MALRD1: variants seen among roughly 807,000 people sequenced by gnomAD.
MALRD1 encodes MAM and LDL receptor class A domain containing 1, also known as MAM and LDL-receptor class A domain-containing protein 1.
Under a neutral mutation model 242.1 loss-of-function variants are expected in MALRD1, and 247 were observed. The observed-to-expected ratio is 1.02, with a 90% CI of 0.92 to 1.13. The LOEUF is 1.13. Ranked by LOEUF, MALRD1 falls within the 50% of genes most tolerant of loss-of-function variation. MALRD1 has a pLI of 0.00. For missense variants in MALRD1, 2,989 were observed against 2,533.1 expected (o/e 1.18, Z -3.86); for synonymous variants, 995 against 866.6 (o/e 1.15, Z -2.60).
At chr10:19,344,176 A>G (rs1844004017) in intron 24 of MALRD1, among the ~76,000 whole-genome samples, 1 of 152,096 alleles carries the variant, frequency 6.6e-6, no homozygotes, top group Non-Finnish European at 1.5e-5. Flanking sequence ...AGTTCAATGT[A>G]TTGATCTTTC....
At chr10:19,485,186 TGA>T in intron 29 of MALRD1, among the ~76,000 whole-genome samples, 1 of 152,210 alleles carries the variant, frequency 6.6e-6, no homozygotes, top group South Asian at 2.1e-4. Flanking sequence ...AGAGGGAGGC[TGA>T]GAGAGTAGTT....
At chr10:19,530,418 A>ATTTAT (rs1200557957) in intron 31 of MALRD1, among the ~76,000 whole-genome samples, 53,194 of 82,588 alleles carry the variant, frequency 0.64, 20,825 homozygotes, top group Non-Finnish European at 0.74. Context: ...TTTATATAAT[A>ATTTAT]ATAAATATAT....
chr10:19,072,671 T>C (rs58784447), intron 2 of MALRD1, among the ~76,000 whole-genome samples: 12,978 of 152,178 alleles, frequency 0.085, 899 homozygotes, highest in East Asian at 0.28. Context: ...ATCTTAATTT[T>C]AGTGCCCAGT....
At chr10:19,538,903 A>C (rs1203548212) in intron 32 of MALRD1, among the ~76,000 whole-genome samples, 2 of 152,176 alleles carry the variant, frequency 1.3e-5, no homozygotes, top group Admixed American at 1.3e-4. Context: ...ATGGTGTTGA[A>C]ATGGTCTCTA....
chr10:19,223,118 T>C (rs1345970429), intron 18 of MALRD1, among the ~76,000 whole-genome samples: 1 of 152,186 alleles, frequency 6.6e-6, no homozygotes, highest in Non-Finnish European at 1.5e-5. Flanking sequence ...TTGACAATTT[T>C]AGTTCATATA....
At chr10:19,491,463 A>G in intron 29 of MALRD1, 54 bp from the exon 30 acceptor site, 1 of 1,529,012 alleles carries the variant, frequency 6.5e-7, no homozygotes. Context: ...GGAATCTTCA[A>G]GTCTAATGAA....
intron 31 of MALRD1, among the ~76,000 whole-genome samples, chr10:19,503,379 T>C (rs753554279): frequency 3.9e-5 from 6 of 152,224 alleles, no homozygotes; most frequent in East Asian, 1.9e-4. Context: ...TTTGCACTTA[T>C]TGTTATCAAG....
intron 36 of MALRD1, among the ~76,000 whole-genome samples, chr10:19,638,881 T>A (rs1840264982): frequency 1.3e-5 from 2 of 152,124 alleles, no homozygotes; most frequent in African/African-American, 4.8e-5. Flanking sequence ...TGGGTGACCA[T>A]CGTAATAGGA....
intron 32 of MALRD1, among the ~76,000 whole-genome samples, chr10:19,538,689 A>G (rs1452437786): frequency 1.3e-5 from 2 of 152,170 alleles, no homozygotes; most frequent in Non-Finnish European, 2.9e-5. Flanking sequence ...AACATATTTT[A>G]TTACTCCAAA....
intron 14 of MALRD1, among the ~76,000 whole-genome samples, chr10:19,187,382 G>A (rs1057101090): frequency 2.0e-5 from 3 of 152,106 alleles, no homozygotes; most frequent in African/African-American, 7.2e-5. Flanking sequence ...GTACATCTCA[G>A]TTACAAGGTG....
rs899422502 is a variant in MALRD1, at chr10:19,428,500, C to CT, written c.4846-21805dup. ...CCCCTTATTCTCCTAATCTCTGCCTCTTCTTTTCCTTCATAAACACCACCA... is the reference window on the plus strand; with the variant it reads ...CCCCTTATTCTCCTAATCTCTGCCTCTTTCTTTTCCTTCATAAACACCACCA... On this transcript the variant is annotated intron_variant, in intron 28 of 39. Coordinates refer to ENST00000454679, the MANE Select transcript of MALRD1 (RefSeq NM_001142308.3). 3.2e-4 allele frequency among the ~76,000 whole-genome samples: 48 copies of CT among 152,086 alleles called. 1 individual carries two copies.
intron 5 of MALRD1, among the ~76,000 whole-genome samples, chr10:19,107,801 A>C (rs1031247993): frequency 4.0e-5 from 6 of 151,040 alleles, no homozygotes; most frequent in African/African-American, 1.2e-4. Context: ...TATCTGCTGT[A>C]ATTTTTTTCT....
At chr10:19,303,522 A>G (rs1299763041) in intron 21 of MALRD1, among the ~76,000 whole-genome samples, 2 of 151,758 alleles carry the variant, frequency 1.3e-5, no homozygotes, top group Admixed American at 6.6e-5. Context: ...GCGATTAGCA[A>G]ACTTGAACTA....
At chr10:19,397,680 G>A (rs1159526380) in intron 28 of MALRD1, among the ~76,000 whole-genome samples, 1 of 152,058 alleles carries the variant, frequency 6.6e-6, no homozygotes, top group Non-Finnish European at 1.5e-5. Context: ...CATAATGGCT[G>A]TACTAATTTA....
chr10:19,197,938 GAATGAATGAAT>G (rs1564460106), intron 14 of MALRD1, among the ~76,000 whole-genome samples: 1 of 152,010 alleles, frequency 6.6e-6, no homozygotes, highest in Non-Finnish European at 1.5e-5. Flanking sequence ...AGTTTTTGTC[GAATGAATGAAT>G]AATGAATGAA....
chr10:19,337,938 T>A (rs1843681441), intron 24 of MALRD1, among the ~76,000 whole-genome samples: 1 of 151,800 alleles, frequency 6.6e-6, no homozygotes, highest in Admixed American at 6.6e-5. Context: ...GACACACACT[T>A]GTAGTCCCAG....
chr10:19,195,901 C>T lies in MALRD1; in HGVS notation c.1952-7827C>T, dbSNP rs538452276. Among the ~76,000 whole-genome samples, 100 of 152,258 alleles carry T rather than the reference C, an allele frequency of 6.6e-4. 1 individual carries two copies. The highest frequency in any genetic ancestry group is 1.3e-3 in the Non-Finnish European group (89 of 68,016). ...TTCCCCCGCCCTCCTCAATGAATAA[C>T]ACATTTTTCTTCCGTCTTCTTTGAC... On this transcript the variant is annotated intron_variant, in intron 14 of 39. Coordinates refer to ENST00000454679, the MANE Select transcript of MALRD1 (RefSeq NM_001142308.3).
chr10:19,262,077 C>T (rs373244621), intron 19 of MALRD1, among the ~76,000 whole-genome samples: 7 of 152,056 alleles, frequency 4.6e-5, no homozygotes, highest in African/African-American at 1.4e-4. Flanking sequence ...ATTTGCTCTT[C>T]CAAGTCGTCT....
At chr10:19,073,947 G>A (rs988684053) in intron 2 of MALRD1, among the ~76,000 whole-genome samples, 1 of 152,106 alleles carries the variant, frequency 6.6e-6, no homozygotes, top group Non-Finnish European at 1.5e-5. Flanking sequence ...AAGATGAGCA[G>A]TATTTCAATG....
Sources: allele counts gnomAD v4.1 joint callset (sites outside exome capture counted in the v4.1 genomes callset), GRCh38; gene constraint gnomAD v4.1.1; transcripts MANE v1.5; gene names NCBI Gene and HGNC (gene_info 2026-07-23, HGNC 2026-07-21).